PTPRD: variants seen among roughly 807,000 people sequenced by gnomAD.
The protein encoded by PTPRD is protein tyrosine phosphatase receptor type D, also known as receptor-type tyrosine-protein phosphatase delta.
A neutral mutation model predicts 214.5 loss-of-function variants in PTPRD; 34 were observed. The ratio of observed to expected loss-of-function variants is 0.16; its 90% CI spans 0.12 to 0.21. The LOEUF (loss-of-function observed/expected upper bound fraction) is 0.21, where lower values mean the gene tolerates loss of function less well. PTPRD is among the 10% of genes least tolerant of loss of function. PTPRD has a pLI of 1.00. For synonymous variants in PTPRD, 1,128 were observed against 845.7 expected, an observed-to-expected ratio of 1.33 and a Z score of -5.79; for missense variants, 2,545 against 2,398.7, an observed-to-expected ratio of 1.06 and a Z score of -1.27.
intron 37 of PTPRD, among the ~76,000 whole-genome samples, chr9:8,388,940 A>C (rs965098841): frequency 1.1e-4 from 16 of 144,062 alleles, no homozygotes; most frequent in African/African-American, 3.8e-4. Context: ...TCAAGCAAAT[A>C]TTTATTTTCT....
chr9:10,073,721 T>C (rs1372015854), intron 3 of PTPRD, among the ~76,000 whole-genome samples: 1 of 152,036 alleles, frequency 6.6e-6, no homozygotes, highest in Admixed American at 6.6e-5. Flanking sequence ...TTCTACATCG[T>C]TGACATGTGC....
intron 2 of PTPRD, among the ~76,000 whole-genome samples, chr9:10,432,963 C>A (rs2098693007): frequency 6.6e-6 from 1 of 151,944 alleles, no homozygotes; most frequent in South Asian, 2.1e-4. Flanking sequence ...ATTGAGAACA[C>A]CTGTTTGCCT....
At chr9:9,605,498 T>C (rs2094093522) in intron 7 of PTPRD, among the ~76,000 whole-genome samples, 1 of 152,060 alleles carries the variant, frequency 6.6e-6, no homozygotes, top group African/African-American at 2.4e-5. Flanking sequence ...TTGCATGTGT[T>C]ATAAAAAACA....
At chr9:9,903,920 AG>A (rs1007380499) in intron 5 of PTPRD, among the ~76,000 whole-genome samples, 1 of 152,168 alleles carries the variant, frequency 6.6e-6, no homozygotes, top group African/African-American at 2.4e-5. Flanking sequence ...ATCAACTAAT[AG>A]GGTCATTGAC....
At chr9:9,547,345 C>A (rs1002130359) in intron 8 of PTPRD, among the ~76,000 whole-genome samples, 2 of 152,016 alleles carry the variant, frequency 1.3e-5, no homozygotes, top group Admixed American at 1.3e-4. Context: ...AAATAAACAT[C>A]TTTTTCTTTT....
intron 9 of PTPRD, among the ~76,000 whole-genome samples, chr9:9,247,684 A>G (rs1184342689): frequency 6.6e-6 from 1 of 152,054 alleles, no homozygotes; most frequent in Admixed American, 6.6e-5. Flanking sequence ...ATGTTTTCTG[A>G]TCTCCAGCAG....
chr9:10,016,393 A>AGG (rs1555471279), intron 4 of PTPRD, among the ~76,000 whole-genome samples: 2 of 149,902 alleles, frequency 1.3e-5, no homozygotes, highest in East Asian at 1.9e-4. Context: ...AGATAGATAG[A>AGG]TAGACAGATA....
chr9:8,370,415 G>A (rs1278436410), intron 39 of PTPRD, among the ~76,000 whole-genome samples: 7 of 152,078 alleles, frequency 4.6e-5, no homozygotes, highest in South Asian at 2.1e-4. Flanking sequence ...TGTATATGCT[G>A]TATGACCTTG....
intron 3 of PTPRD, among the ~76,000 whole-genome samples, chr9:10,043,741 A>C (rs1362552155): frequency 2.0e-5 from 3 of 151,860 alleles, no homozygotes; most frequent in African/African-American, 7.2e-5. Flanking sequence ...GTAAGGATGA[A>C]GCCACTGGTG....
chr9:9,567,455 G>C (rs1342015336), intron 8 of PTPRD, among the ~76,000 whole-genome samples: 2 of 151,962 alleles, frequency 1.3e-5, no homozygotes, highest in African/African-American at 4.8e-5. Context: ...AAAGAATTTT[G>C]AGAAGAGATG....
chr9:10,545,714 C>T lies in PTPRD; in HGVS notation c.-600+66684G>A, dbSNP rs529265508. ...AGGAAAAACAGTTCTGTTGAGGAGC[C>T]GTCTCTTTCAGAAGTTTTCTCTGGA... On this transcript the variant is annotated intron_variant, in intron 2 of 45. Coordinates refer to ENST00000381196, the MANE Select transcript of PTPRD (RefSeq NM_002839.4). Among the ~76,000 whole-genome samples, 36 of 152,184 alleles carry T rather than the reference C, an allele frequency of 2.4e-4. 2 individuals are homozygous for T. The South Asian group carries it at 6.0e-3, about 25-fold the overall frequency.
chr9:9,623,741 A>G (rs964460296), intron 7 of PTPRD, among the ~76,000 whole-genome samples: 11 of 152,204 alleles, frequency 7.2e-5, no homozygotes, highest in African/African-American at 2.7e-4. Context: ...TTAGAATCTC[A>G]TATATACTAA....
intron 3 of PTPRD, among the ~76,000 whole-genome samples, chr9:10,175,975 A>G (rs1417163672): frequency 6.6e-6 from 1 of 152,062 alleles, no homozygotes; most frequent in African/African-American, 2.4e-5. Context: ...GAGTAACAAT[A>G]GACATAAAAC....
intron 7 of PTPRD, among the ~76,000 whole-genome samples, chr9:9,618,064 T>A (rs1325893712): frequency 1.7e-5 from 1 of 57,622 alleles, no homozygotes; most frequent in Non-Finnish European, 3.3e-5. Flanking sequence ...AGAGCGAGAC[T>A]CCATCTCAAA....
intron 14 of PTPRD, among the ~76,000 whole-genome samples, chr9:8,628,938 A>G (rs1417777848): frequency 6.6e-6 from 1 of 151,818 alleles, no homozygotes; most frequent in Non-Finnish European, 1.5e-5. Flanking sequence ...CTATAAATAG[A>G]TAAGAGCAGC....
In PTPRD at chr9:9,479,276, T is replaced by C. The variant is rs144344439; in HGVS notation, c.-236-81794A>G. On this transcript the variant is annotated intron_variant, in intron 8 of 45. Transcript: ENST00000381196. ...ATTTGGAATTATAAAACATTTCTAG[T>C]GTGTTTCATCTCCATTTTCAGGAAA... Among the ~76,000 whole-genome samples, 884 of 130,760 alleles carry C rather than the reference T, an allele frequency of 6.8e-3. 7 individuals carry two copies. Among genetic ancestry groups the C allele is most frequent in the African/African-American group, 0.025 (856 of 34,288 alleles). The allele number at this position is 130,760 out of a possible 152,430, so 85.8% of individuals were successfully genotyped here.
At chr9:10,594,124 G>C (rs974440905) in intron 2 of PTPRD, among the ~76,000 whole-genome samples, 7 of 151,914 alleles carry the variant, frequency 4.6e-5, no homozygotes, top group Admixed American at 3.3e-4. Context: ...TTCCAAATAA[G>C]TTATAGCCTG....
chr9:8,523,097 A>G (rs907995312), intron 19 of PTPRD, among the ~76,000 whole-genome samples: 3 of 152,100 alleles, frequency 2.0e-5, no homozygotes, highest in African/African-American at 7.2e-5. Flanking sequence ...GAGGTATCAA[A>G]GAACATATCA....
At chr9:8,440,501 G>C (rs1483770170) in intron 34 of PTPRD, among the ~76,000 whole-genome samples, 2 of 152,112 alleles carry the variant, frequency 1.3e-5, no homozygotes, top group Non-Finnish European at 1.5e-5. Context: ...TTTTAGTAGA[G>C]ATGGGGTTTC....
Sources: gnomAD v4.1 joint callset for allele counts (sites outside exome capture counted in the v4.1 genomes callset) on GRCh38, gnomAD v4.1.1 for gene constraint, MANE v1.5 for transcripts, NCBI Gene and HGNC (gene_info 2026-07-23, HGNC 2026-07-21) for gene names.